The following ZNF622 variants were observed in gnomAD, a reference collection of about 807,000 sequenced individuals.
ZNF622 encodes cytoplasmic 60S subunit biogenesis factor ZNF622.
A neutral mutation model predicts 49.7 loss-of-function variants in ZNF622; 34 were observed. The ratio of observed to expected loss-of-function variants is 0.68; its 90% CI spans 0.52 to 0.91. The LOEUF is 0.91. ZNF622 is among the 40% of genes least tolerant of loss of function. The probability of loss-of-function intolerance (pLI) is 0.00; values close to 1 mark genes in which losing one functional copy is unlikely to be tolerated. For missense variants in ZNF622, 569 were observed against 616.4 expected (o/e 0.92, Z 0.81); for synonymous variants, 209 against 228.7 (o/e 0.91, Z 0.78).
At chr5:16,455,316 G>A (rs930533078) in intron 4 of ZNF622, among the ~76,000 whole-genome samples, 2 of 152,152 alleles carry the variant, frequency 1.3e-5, no homozygotes, top group African/African-American at 2.4e-5. Flanking sequence ...CTTTCAATTT[G>A]CATAAGAAAA....
intron 4 of ZNF622, among the ~76,000 whole-genome samples, chr5:16,455,112 T>TA (rs1352696048): frequency 1.2e-4 from 19 of 152,154 alleles, no homozygotes; most frequent in Non-Finnish European, 2.6e-4. Context: ...AGCATATACA[T>TA]AAGGCACGAA....
At chr5:16,454,312 C>A (rs552541031) in intron 4 of ZNF622, among the ~76,000 whole-genome samples, 1 of 151,638 alleles carries the variant, frequency 6.6e-6, no homozygotes, top group East Asian at 2.0e-4. Flanking sequence ...ACGGTGAAAC[C>A]CCATCTCTAC....
In ZNF622 at chr5:16,465,755, G is replaced by A; in HGVS notation, c.-90C>T. ...GACCCTCAGACCTTAACCCGCCTCA[G>A]CAGCCAGGAAGAGCCACTCGACACG... On this transcript the variant is annotated 5_prime_UTR_variant, in exon 1 of 6. Transcript: ENST00000308683. The surrounding 1 kb of genome is among the most constrained non-coding windows in gnomAD (Gnocchi z 6.2). 1 of 1,493,166 alleles carries A rather than the reference G, an allele frequency of 6.7e-7. No individual in the cohort carries two copies. Among genetic ancestry groups the A allele is most frequent in the Non-Finnish European group, 8.9e-7 (1 of 1,118,584 alleles). 92.5% of individuals were successfully genotyped at this position (1,493,166 alleles called of 1,614,324 possible).
At position 16,459,687 on chromosome 5, in the gene ZNF622, C is replaced by T. The variant is rs74738284; in HGVS notation, c.1050-1058G>A. 4.1e-3 allele frequency among the ~76,000 whole-genome samples: 630 copies of T among 152,284 alleles called. 5 individuals carry two copies. The highest frequency in any genetic ancestry group is 0.014 in the African/African-American group (571 of 41,560). ...ATGTTGTGGAGCACTGAACAGAACA[C>T]TCTGTAACAGTAAGAACTCTCCACA... is the stretch of plus-strand genomic sequence containing the variant. On this transcript the variant is annotated intron_variant, in intron 3 of 5. Coordinates refer to ENST00000308683, the MANE Select transcript of ZNF622 (RefSeq NM_033414.3).
At chr5:16,464,970 G>A in intron 1 of ZNF622, 71 bp downstream of exon 1, 1 of 1,513,388 alleles carries the variant, frequency 6.6e-7, no homozygotes, top group Non-Finnish European at 8.8e-7. Flanking sequence ...CACCCATCTC[G>A]AGTATAAATC....
chr5:16,463,589 T>G lies in ZNF622; in HGVS notation c.779A>C (p.His260Pro). The G allele has an allele frequency of 1.2e-6, 2 of 1,614,218 alleles. No homozygotes were observed. Among genetic ancestry groups the G allele is most frequent in the South Asian group, 1.1e-5 (1 of 91,088 alleles). ...PITDCLFCSH[H>P]SSSLMKNVAH... ...CACATTCTTCATCAGCGAGCTGGAA[T>G]GATGGGAACAAAATAAGCAGTCCGT... The change falls in exon 2 of 6, where the codon CAT becomes CCT. Residue 260 changes from histidine (H) to proline (P), a missense_variant. Transcript: ENST00000308683. The surrounding 1 kb of genome is among the most constrained non-coding windows in gnomAD (Gnocchi z 4.2).
chr5:16,458,928 A>G (rs920913439), intron 3 of ZNF622, among the ~76,000 whole-genome samples: 3 of 152,240 alleles, frequency 2.0e-5, no homozygotes, highest in Non-Finnish European at 2.9e-5. Flanking sequence ...CAATTTAACC[A>G]CTATAAAAAC....
At chr5:16,461,451 G>C (rs1210245836) in intron 3 of ZNF622, among the ~76,000 whole-genome samples, 1 of 152,226 alleles carries the variant, frequency 6.6e-6, no homozygotes, top group African/African-American at 2.4e-5. Flanking sequence ...CAGGCAGCAG[G>C]AGGCTACTGT....
rs1738204180 is a variant in ZNF622 at position 16,465,476 on chromosome 5, C to A, written c.190G>T (p.Gly64Cys). The A allele has an allele frequency of 1.9e-6, 3 of 1,614,238 alleles. No individual in the cohort carries two copies. The highest frequency in any genetic ancestry group is 2.7e-5 in the African/African-American group (2 of 75,074). ...CAAACGGTGCAGTAGGTGGCCGAGC[C>A]CTTGCTCTCCTCCTCCGCGACGGCC... ...QRAVAEEESK[G>C]SATYCTVCSK... The change falls in exon 1 of 6, where the codon GGC (glycine) becomes TGC (cysteine). Residue 64 changes from glycine to cysteine, a missense_variant. Coordinates refer to ENST00000308683, the MANE Select transcript of ZNF622 (RefSeq NM_033414.3). The surrounding 1 kb of genome is among the most constrained non-coding windows in gnomAD (Gnocchi z 6.2).
At chr5:16,453,180 G>T in intron 4 of ZNF622, 24 bp from the exon 5 acceptor site, 1 of 1,456,602 alleles carries the variant, frequency 6.9e-7, no homozygotes, top group East Asian at 2.5e-5. Flanking sequence ...GAGCAATACT[G>T]AAACACTGAG....
rs1242942486 is a variant in ZNF622 at position 16,453,211 on chromosome 5, A to T, written c.1163-55T>A. The T allele has an allele frequency of 4.4e-6, 6 of 1,359,912 alleles. No individual in the cohort carries two copies. The East Asian group carries it at 1.6e-4, about 36-fold the overall frequency. 84.2% of individuals were successfully genotyped at this position (1,359,912 alleles called of 1,614,324 possible). On this transcript the variant is annotated intron_variant, in intron 4 of 5. Transcript: ENST00000308683. ...CTGAGTTGGATAGTTTTTTCAAGGCAGAGCTATAAAGCAAGGGCTTTCCAA... is the reference window on the plus strand; with the variant it reads ...CTGAGTTGGATAGTTTTTTCAAGGCTGAGCTATAAAGCAAGGGCTTTCCAA...
chr5:16,461,020 A>C (rs1738112716), intron 3 of ZNF622, among the ~76,000 whole-genome samples: 1 of 152,254 alleles, frequency 6.6e-6, no homozygotes, highest in African/African-American at 2.4e-5. Flanking sequence ...AAAATAAAAC[A>C]GGATAAAAAG....
chr5:16,459,349 A>T (rs924752871), intron 3 of ZNF622, among the ~76,000 whole-genome samples: 19 of 152,210 alleles, frequency 1.2e-4, no homozygotes, highest in African/African-American at 3.9e-4. Flanking sequence ...GCCAATGAAT[A>T]TGCAAAAAGC....
chr5:16,454,163 A>G (rs896291896), intron 4 of ZNF622, among the ~76,000 whole-genome samples: 3 of 152,192 alleles, frequency 2.0e-5, no homozygotes, highest in Non-Finnish European at 2.9e-5. Context: ...GAGAAAAAAG[A>G]AAATAGACTC....
At chr5:16,460,353 C>T (rs32146) in intron 3 of ZNF622, among the ~76,000 whole-genome samples, 44,957 of 151,990 alleles carry the variant, frequency 0.3, 6,867 homozygotes, top group East Asian at 0.45. Flanking sequence ...TAAGTTTATT[C>T]TTCAATAAAA....
intron 3 of ZNF622, among the ~76,000 whole-genome samples, chr5:16,459,617 G>A (rs1010561190): frequency 1.3e-5 from 2 of 152,086 alleles, no homozygotes. Context: ...GTTTGTAATA[G>A]CCCCAAATTA....
chr5:16,463,019 G>T lies in ZNF622; in HGVS notation c.1049+89C>A. 5 of 1,377,950 alleles carry T rather than the reference G, an allele frequency of 3.6e-6. No homozygotes were observed. Among genetic ancestry groups the T allele is most frequent in the Non-Finnish European group, 4.0e-6 (4 of 1,006,626 alleles). The allele number at this position is 1,377,950 out of a possible 1,614,324, so 85.4% of individuals were successfully genotyped here. On this transcript the variant is annotated intron_variant, in intron 3 of 5. Coordinates refer to ENST00000308683, the MANE Select transcript of ZNF622 (RefSeq NM_033414.3). This position sits in a 1 kb window ranked among gnomAD's most constrained non-coding sequence, Gnocchi z 4.2. ...AGTGTTATTAAGGATATGTTGTACA[G>T]TGCCAAACATATCCAGCACTGGCAC...
At chr5:16,454,329 C>T (rs1222473771) in intron 4 of ZNF622, among the ~76,000 whole-genome samples, 2 of 151,478 alleles carry the variant, frequency 1.3e-5, no homozygotes, top group Non-Finnish European at 2.9e-5. Flanking sequence ...CTACTAAAAG[C>T]ACAAAAAAAT....
intron 4 of ZNF622, among the ~76,000 whole-genome samples, chr5:16,455,335 GT>G (rs1194806607): frequency 6.6e-6 from 1 of 152,072 alleles, no homozygotes; most frequent in Non-Finnish European, 1.5e-5. Context: ...AATTATTTTG[GT>G]TATTTTAAGT....
Sources: allele counts gnomAD v4.1 joint callset (sites outside exome capture counted in the v4.1 genomes callset), GRCh38; gene constraint gnomAD v4.1.1; non-coding constraint Gnocchi (gnomAD v3.1); transcripts MANE v1.5; gene names NCBI Gene and HGNC (gene_info 2026-07-23, HGNC 2026-07-21).